Variants in FGGY observed in about 807,000 individuals in gnomAD.
FGGY encodes the protein FGGY carbohydrate kinase domain-containing protein.
A neutral mutation model predicts 71.3 loss-of-function variants in FGGY; 72 were observed. The ratio of observed to expected loss-of-function variants is 1.01; its 90% CI spans 0.84 to 1.23. FGGY has a LOEUF of 1.23. FGGY is among the 50% of genes most tolerant of loss of function. The pLI, the probability that FGGY is intolerant of heterozygous loss-of-function variation, is 0.00. For synonymous variants in FGGY, 251 were observed against 250.3 expected (o/e 1.00, Z -0.02); for missense variants, 668 against 682.3 (o/e 0.98, Z 0.23).
At chr1:59,305,737 C>G (rs2043344183) in intron 1 of FGGY, among the ~76,000 whole-genome samples, 1 of 152,158 alleles carries the variant, frequency 6.6e-6, no homozygotes, top group Non-Finnish European at 1.5e-5. Flanking sequence ...TATTCCTGGC[C>G]TTATGTGAAG....
At chr1:59,702,212 C>T (rs1301930796) in intron 14 of FGGY, among the ~76,000 whole-genome samples, 2 of 152,094 alleles carry the variant, frequency 1.3e-5, no homozygotes, top group Admixed American at 6.6e-5. Context: ...CCTCAACATA[C>T]GGGGATTACA....
At chr1:59,365,179 A>G (rs1243983646) in intron 4 of FGGY, among the ~76,000 whole-genome samples, 1 of 152,204 alleles carries the variant, frequency 6.6e-6, no homozygotes, top group African/African-American at 2.4e-5. Context: ...GGAGTGATTG[A>G]TATTTCTCAG....
chr1:59,313,700 C>A (rs965421011), intron 1 of FGGY, among the ~76,000 whole-genome samples: 1 of 152,116 alleles, frequency 6.6e-6, no homozygotes, highest in African/African-American at 2.4e-5. Flanking sequence ...TGAAGTAACT[C>A]AGGAATGGAA....
chr1:59,753,844 C>T (rs542131182), intron 14 of FGGY, among the ~76,000 whole-genome samples: 1 of 152,144 alleles, frequency 6.6e-6, no homozygotes, highest in South Asian at 2.1e-4. Flanking sequence ...GCTAGTTTTT[C>T]CCTGCTCTGG....
intron 14 of FGGY, among the ~76,000 whole-genome samples, chr1:59,690,935 C>CA (rs1220585796): frequency 6.6e-6 from 1 of 152,230 alleles, no homozygotes; most frequent in Non-Finnish European, 1.5e-5. Context: ...ACTGACTCCC[C>CA]AGTCATTAGA....
chr1:59,590,208 G>A (rs1382405487), intron 8 of FGGY, among the ~76,000 whole-genome samples: 8 of 152,082 alleles, frequency 5.3e-5, no homozygotes, highest in Non-Finnish European at 8.8e-5. Context: ...TAAATTCCTC[G>A]ACACATACAC....
In FGGY at chr1:59,346,347, G is replaced by A. The variant is rs763697725; in HGVS notation, c.414G>A (p.Gly138=). The change falls in exon 4 of 16, where the codon GGG becomes GGA. Residue 138 remains glycine, a synonymous_variant. Coordinates refer to ENST00000303721, the MANE Select transcript of FGGY (RefSeq NM_018291.5). Reference sequence around the variant, plus strand: ...AGCACAGTGTCCTCCAGTACGTCGGGGGGGTGATGTCTGTGGAAATGCAGG... The same window carrying A: ...AGCACAGTGTCCTCCAGTACGTCGGAGGGGTGATGTCTGTGGAAATGCAGG... ...ETKHSVLQYV[G]GVMSVEMQAP... is the part of the protein sequence containing the mutation. 1.2e-6 allele frequency: 2 copies of A among 1,611,950 alleles called. No homozygotes were observed. Among genetic ancestry groups the A allele is most frequent in the Non-Finnish European group, 1.7e-6 (2 of 1,179,672 alleles).
In FGGY at chr1:59,615,619, C is replaced by T. The variant is rs145833999; in HGVS notation, c.1011+7709C>T. 8.9e-3 allele frequency among the ~76,000 whole-genome samples: 1,358 copies of T among 152,156 alleles called. 25 individuals carry two copies. Among genetic ancestry groups the T allele is most frequent in the African/African-American group, 0.03 (1,253 of 41,520 alleles). Reference sequence around the variant, plus strand: ...TTCATGACTAAAACATCAAAAGCAACGGCAACAAAAGCCAAAATTGACAAA... The same window carrying T: ...TTCATGACTAAAACATCAAAAGCAATGGCAACAAAAGCCAAAATTGACAAA... On this transcript the variant is annotated intron_variant, in intron 9 of 15. Coordinates refer to ENST00000303721, the MANE Select transcript of FGGY (RefSeq NM_018291.5).
intron 14 of FGGY, among the ~76,000 whole-genome samples, chr1:59,739,515 A>G (rs958028920): frequency 2.0e-5 from 3 of 152,208 alleles, no homozygotes; most frequent in African/African-American, 2.4e-5. Context: ...CAAACCATTC[A>G]TTGCTTGCAG....
chr1:59,422,839 C>T (rs2065698880), intron 5 of FGGY, among the ~76,000 whole-genome samples: 1 of 152,056 alleles, frequency 6.6e-6, no homozygotes. Flanking sequence ...TATTGAAGGC[C>T]TACTATTATA....
chr1:59,482,938 C>T lies in FGGY; in HGVS notation c.670+25862C>T, dbSNP rs11581161. ...TCAGTGATTCTCAAACCAGAGCATA[C>T]GTCAGAACCACCTGGGGGGATTCTT... On this transcript the variant is annotated intron_variant, in intron 6 of 15. Coordinates refer to ENST00000303721, the MANE Select transcript of FGGY (RefSeq NM_018291.5). Among the ~76,000 whole-genome samples the T allele has an allele frequency of 4.6e-3, 706 of 152,200 alleles. 3 individuals are homozygous for T. Among genetic ancestry groups the T allele is most frequent in the Admixed American group, 0.013 (197 of 15,266 alleles).
intron 3 of FGGY, among the ~76,000 whole-genome samples, chr1:59,343,377 C>G (rs1216237166): frequency 6.6e-6 from 1 of 152,100 alleles, no homozygotes; most frequent in Admixed American, 6.6e-5. Context: ...TTGTATAGAA[C>G]CTCTTTCTCA....
intron 4 of FGGY, among the ~76,000 whole-genome samples, chr1:59,375,794 G>A (rs887737442): frequency 6.6e-6 from 1 of 150,986 alleles, no homozygotes; most frequent in African/African-American, 2.4e-5. Flanking sequence ...GGGTTCTGTT[G>A]TCCCACAGTG....
At chr1:59,626,972 G>A (rs1224469426) in intron 10 of FGGY, 5 of 152,074 alleles carry the variant, frequency 3.3e-5, no homozygotes, top group Admixed American at 2.0e-4. Flanking sequence ...GTAGTAGGAA[G>A]AAATGACACT....
chr1:59,462,930 C>G (rs1572455514), intron 6 of FGGY, among the ~76,000 whole-genome samples: 1 of 151,698 alleles, frequency 6.6e-6, no homozygotes, highest in Non-Finnish European at 1.5e-5. Context: ...ACTAGAAATA[C>G]CATTTGACCC....
In FGGY at chr1:59,321,740, T is replaced by C; in HGVS notation, c.191T>C (p.Val64Ala). ...SSEDIWAACC[V>A]VTKKVVQGID... ...GAGGACATCTGGGCTGCGTGCTGTG[T>C]TGTCACAAAGGTATGGGCAAAACTG... is the stretch of plus-strand genomic sequence containing the variant. Residue 64 changes from valine (V) to alanine (A), a missense_variant, in exon 2 of 16, where the codon GTT (valine) becomes GCT (alanine). Coordinates refer to ENST00000303721, the MANE Select transcript of FGGY (RefSeq NM_018291.5). The C allele has an allele frequency of 2.5e-6, 4 of 1,610,666 alleles. No homozygotes were observed. The highest frequency in any genetic ancestry group is 2.5e-6 in the Non-Finnish European group (3 of 1,178,750).
At chr1:59,592,706 A>G (rs1057255928) in intron 8 of FGGY, among the ~76,000 whole-genome samples, 5 of 149,180 alleles carry the variant, frequency 3.4e-5, no homozygotes, top group African/African-American at 1.2e-4. Flanking sequence ...AACACCGCAT[A>G]TTCTCACTCA....
chr1:59,546,517 G>GATTATTATT lies in FGGY; in HGVS notation c.800-7605_800-7604insTATTATTAT, dbSNP rs1491216926. On this transcript the variant is annotated intron_variant, in intron 7 of 15. Coordinates refer to ENST00000303721, the MANE Select transcript of FGGY (RefSeq NM_018291.5). ...GGATGATGATGATGATGATGATGAT[G>GATTATTATT]ATGATGATGATGATGATGATTATTA... Among the ~76,000 whole-genome samples the GATTATTATT allele has an allele frequency of 1.1e-3, 142 of 134,728 alleles. 1 individual carries two copies. The highest frequency in any genetic ancestry group is 1.5e-3 in the Admixed American group (21 of 14,122). The allele number at this position is 134,728 out of a possible 152,430, so 88.4% of individuals were successfully genotyped here.
At chr1:59,522,470 A>T (rs946147790) in intron 7 of FGGY, among the ~76,000 whole-genome samples, 1 of 152,224 alleles carries the variant, frequency 6.6e-6, no homozygotes, top group Non-Finnish European at 1.5e-5. Flanking sequence ...AAAGCAGCAC[A>T]GGAGTCTGGG....
Sources: allele counts gnomAD v4.1 joint callset (sites outside exome capture counted in the v4.1 genomes callset), GRCh38; gene constraint gnomAD v4.1.1; transcripts MANE v1.5; gene names NCBI Gene and HGNC (gene_info 2026-07-23, HGNC 2026-07-21).